The following MTHFD1L variants were observed in gnomAD, a reference collection of about 807,000 sequenced individuals.
MTHFD1L encodes the protein methylenetetrahydrofolate dehydrogenase (NADP+ dependent) 1 like, also known as monofunctional C1-tetrahydrofolate synthase, mitochondrial.
A neutral mutation model predicts 119.5 loss-of-function variants in MTHFD1L; 81 were observed. The ratio of observed to expected loss-of-function variants is 0.68; its 90% confidence interval spans 0.57 to 0.82. MTHFD1L has a LOEUF of 0.82. MTHFD1L is among the 40% of genes least tolerant of loss of function. MTHFD1L has a pLI of 0.00. For synonymous variants in MTHFD1L, 430 were observed against 475.2 expected (o/e 0.90, Z 1.24); for missense variants, 1,125 against 1,253.4 (o/e 0.90, Z 1.55).
chr6:151,003,845 C>T lies in MTHFD1L; in HGVS notation c.2126-5974C>T, dbSNP rs183088071. 5.4e-3 allele frequency among the ~76,000 whole-genome samples: 816 copies of T among 152,164 alleles called. 5 individuals carry two copies. Among genetic ancestry groups the T allele is most frequent in the Non-Finnish European group, 8.9e-3 (603 of 67,988 alleles). On this transcript the variant is annotated intron_variant, in intron 20 of 27. Transcript: ENST00000367321. ...GGCTGGGCATCAGAGGGACCGGGGG[C>T]ACCACACTGGGCTTTGTGTCATTAT...
chr6:151,004,026 A>AAGAG (rs543168443), intron 20 of MTHFD1L, among the ~76,000 whole-genome samples: 3 of 142,504 alleles, frequency 2.1e-5, no homozygotes, highest in African/African-American at 2.9e-5. Context: ...AAAAAAAAAA[A>AAGAG]AGAGAGAGAG....
chr6:150,956,138 A>T, intron 17 of MTHFD1L, 67 bp downstream of exon 17: 1 of 1,491,622 alleles, frequency 6.7e-7, no homozygotes. Context: ...CTGGGAGCTC[A>T]CTCTTTGCCT....
chr6:150,955,780 G>T (rs139603556), intron 16 of MTHFD1L, among the ~76,000 whole-genome samples: 1 of 152,102 alleles, frequency 6.6e-6, no homozygotes, highest in Non-Finnish European at 1.5e-5. Flanking sequence ...GATTACAGGC[G>T]TGAGCCACTG....
chr6:150,921,768 A>G (rs1788981480), intron 9 of MTHFD1L, among the ~76,000 whole-genome samples: 1 of 152,218 alleles, frequency 6.6e-6, no homozygotes, highest in Non-Finnish European at 1.5e-5. Flanking sequence ...AATTTAACAA[A>G]AACAATGAAC....
chr6:150,918,209 G>A (rs778880185), intron 8 of MTHFD1L, among the ~76,000 whole-genome samples: 1 of 151,876 alleles, frequency 6.6e-6, no homozygotes, highest in Non-Finnish European at 1.5e-5. Context: ...GGGACTACGG[G>A]TACACGCCAC....
chr6:151,019,441 A>T (rs1209041774), intron 24 of MTHFD1L, among the ~76,000 whole-genome samples: 1 of 143,346 alleles, frequency 7.0e-6, no homozygotes, highest in Non-Finnish European at 1.6e-5. Flanking sequence ...TTCCACTGAT[A>T]TTTCAATTTT....
chr6:151,057,094 T>C (rs563215403), intron 26 of MTHFD1L: 2 of 640,322 alleles, frequency 3.1e-6, no homozygotes, highest in Admixed American at 1.3e-4. Context: ...TTTGCTCTAA[T>C]TATAACTAAT....
chr6:151,014,728 G>A (rs112513251), intron 22 of MTHFD1L, 152 bp from the exon 23 acceptor site: 21 of 600,784 alleles, frequency 3.5e-5, no homozygotes, highest in African/African-American at 2.0e-4. Flanking sequence ...TTTTGAAGAC[G>A]AACCTCTTTA....
intron 26 of MTHFD1L, among the ~76,000 whole-genome samples, chr6:151,065,344 C>T (rs1791117513): frequency 6.6e-6 from 1 of 152,300 alleles, no homozygotes; most frequent in South Asian, 2.1e-4. Context: ...TCACTGCTCC[C>T]CTGGCCTCTT....
chr6:150,904,795 C>A (rs1028097275), intron 7 of MTHFD1L, among the ~76,000 whole-genome samples: 1 of 152,130 alleles, frequency 6.6e-6, no homozygotes. Flanking sequence ...AGGATGGACA[C>A]GATCAATGCA....
intron 7 of MTHFD1L, among the ~76,000 whole-genome samples, chr6:150,890,748 A>G (rs950894771): frequency 6.6e-6 from 1 of 152,196 alleles, no homozygotes; most frequent in Non-Finnish European, 1.5e-5. Flanking sequence ...CTAGAACAGT[A>G]AGGAAAGGAA....
At chr6:151,034,351 G>A (rs1422352879) in intron 24 of MTHFD1L, 142 bp from the exon 25 acceptor site, 2 of 635,944 alleles carry the variant, frequency 3.1e-6, no homozygotes, top group Admixed American at 5.7e-5. Context: ...AAAAAAGAGG[G>A]TTTGCTAGGA....
chr6:151,057,684 C>T (rs1215362024), intron 26 of MTHFD1L, among the ~76,000 whole-genome samples: 2 of 152,144 alleles, frequency 1.3e-5, no homozygotes, highest in African/African-American at 4.8e-5. Context: ...AAAATACTCA[C>T]ACACACACAT....
rs997865482 is a variant in MTHFD1L at position 151,085,542 on chromosome 6, G to A, written c.2848-6925G>A. On this transcript the variant is annotated intron_variant, in intron 26 of 27. Transcript: ENST00000367321. ...TCCCAGCACTTTGGGAAGCCGAGGC[G>A]GGTGGATCACCTGAGGTCAGGAGTT... is the stretch of plus-strand genomic sequence containing the variant. Among the ~76,000 whole-genome samples, 11 of 152,234 alleles carry A rather than the reference G, an allele frequency of 7.2e-5. No homozygotes were observed. In the South Asian group the frequency reaches 1.0e-3, roughly 14 times the overall value.
Position 150,869,526 on chromosome 6 carries a change from A to C in MTHFD1L, c.227+3477A>C, listed in dbSNP as rs1779042196. ...TGAACTCATGCTTTCTTATGGCTGC[A>C]ATTTTATTTTTGTAGAGATGAAGTC... On this transcript the variant is annotated intron_variant, in intron 1 of 27. Coordinates refer to ENST00000367321, the MANE Select transcript of MTHFD1L (RefSeq NM_015440.5). Among the ~76,000 whole-genome samples, 3 of 152,088 alleles carry C rather than the reference A, an allele frequency of 2.0e-5. No homozygotes were observed. The South Asian group carries it at 6.2e-4, about 32-fold the overall frequency.
chr6:151,043,095 C>T (rs992042281), intron 26 of MTHFD1L, among the ~76,000 whole-genome samples: 6 of 152,074 alleles, frequency 3.9e-5, no homozygotes, highest in Non-Finnish European at 5.9e-5. Context: ...GAAGTGTATT[C>T]AGTATGATTT....
intron 18 of MTHFD1L, among the ~76,000 whole-genome samples, chr6:150,961,377 A>G (rs1018339573): frequency 6.6e-6 from 1 of 152,198 alleles, no homozygotes; most frequent in African/African-American, 2.4e-5. Flanking sequence ...TACAGGCATG[A>G]GCCACCACAC....
At chr6:151,055,259 G>A (rs575799403) in intron 26 of MTHFD1L, among the ~76,000 whole-genome samples, 7 of 150,684 alleles carry the variant, frequency 4.6e-5, no homozygotes, top group South Asian at 2.1e-4. Context: ...GGGAGACTCC[G>A]TCTCAAGGAA....
At chr6:150,983,264 C>T (rs77904555) in intron 20 of MTHFD1L, among the ~76,000 whole-genome samples, 1 of 152,066 alleles carries the variant, frequency 6.6e-6, no homozygotes, top group Admixed American at 6.5e-5. Flanking sequence ...CTTGTCCACC[C>T]TTTTCTTTAT....
Sources: allele counts gnomAD v4.1 joint callset (sites outside exome capture counted in the v4.1 genomes callset), GRCh38; gene constraint gnomAD v4.1.1; transcripts MANE v1.5; gene names NCBI Gene and HGNC (gene_info 2026-07-23, HGNC 2026-07-21).